Variants in COL4A2 observed in about 807,000 individuals in gnomAD.
The protein encoded by COL4A2 is collagen alpha-2(IV) chain.
Under a neutral mutation model 200.2 loss-of-function variants are expected in COL4A2, and 99 were observed. The ratio of observed to expected loss-of-function variants is 0.49; its 90% CI spans 0.42 to 0.58. COL4A2 has a LOEUF of 0.58. Ranked by LOEUF, COL4A2 falls within the 20% of genes least tolerant of loss-of-function variation. The probability of loss-of-function intolerance (pLI) is 0.00; values close to 1 mark genes in which losing one functional copy is unlikely to be tolerated. For synonymous variants in COL4A2, 897 were observed against 900.6 expected (o/e 1.00, Z 0.07); for missense variants, 1,950 against 2,314.1 (o/e 0.84, Z 3.23).
intron 37 of COL4A2, 77 bp from the exon 38 acceptor site, chr13:110,491,993 C>A: frequency 1.5e-6 from 2 of 1,297,394 alleles, no homozygotes; most frequent in Admixed American, 2.6e-5. Flanking sequence ...AGAGCGGCTG[C>A]CCCTCCTGCC....
At chr13:110,460,241 T>G (rs1264922962) in intron 22 of COL4A2, among the ~76,000 whole-genome samples, 2 of 152,126 alleles carry the variant, frequency 1.3e-5, no homozygotes, top group Non-Finnish European at 2.9e-5. Context: ...CGGCCATGAC[T>G]CCCAACTGCT....
chr13:110,326,535 G>T (rs1594147535), intron 3 of COL4A2, among the ~76,000 whole-genome samples: 1 of 152,252 alleles, frequency 6.6e-6, no homozygotes, highest in Admixed American at 6.5e-5. Flanking sequence ...CACATTGCAG[G>T]CCCCAGGAAT....
intron 16 of COL4A2, among the ~76,000 whole-genome samples, chr13:110,443,389 TAGCCATAC>T (rs1482006606): frequency 1.3e-5 from 2 of 152,208 alleles, no homozygotes; most frequent in East Asian, 3.8e-4. Flanking sequence ...TAAAAAAGCC[TAGCCATAC>T]ATTCTTTTCA....
intron 4 of COL4A2, among the ~76,000 whole-genome samples, chr13:110,375,061 G>A (rs1878179406): frequency 6.6e-6 from 1 of 152,170 alleles, no homozygotes. Context: ...GCACATAGAA[G>A]ACATTCCTCA....
Position 110,385,838 on chromosome 13 carries a change from A to AGC in COL4A2, c.180+28287_180+28288insCG, listed in dbSNP as rs1878704244. On this transcript the variant is annotated intron_variant, in intron 4 of 47. Transcript: ENST00000360467. ...CAGTGTGTGGATAGGCCGTGGTTAC[A>AGC]GTGTGTGGATAGGCCGTGGTTGCAG... Among the ~76,000 whole-genome samples, 15 of 140,960 alleles carry AGC rather than the reference A, an allele frequency of 1.1e-4. 3 individuals are homozygous for AGC. Among genetic ancestry groups the AGC allele is most frequent in the Non-Finnish European group, 1.7e-4 (11 of 62,912 alleles). 92.5% of individuals were successfully genotyped at this position (140,960 alleles called of 152,430 possible).
chr13:110,374,702 C>CCTCAT (rs1878161836), intron 4 of COL4A2, among the ~76,000 whole-genome samples: 1 of 152,168 alleles, frequency 6.6e-6, no homozygotes, highest in Admixed American at 6.5e-5. Flanking sequence ...CAAATGCTTT[C>CCTCAT]CTCATCTCCA....
intron 28 of COL4A2, among the ~76,000 whole-genome samples, chr13:110,471,078 A>G (rs149813203): frequency 1.2e-3 from 188 of 152,296 alleles, no homozygotes; most frequent in African/African-American, 4.4e-3. Context: ...GAAGTGTAAC[A>G]TTGCCACTCT....
At chr13:110,351,219 T>TTTTGTTTGTTTG (rs58217892) in intron 3 of COL4A2, among the ~76,000 whole-genome samples, 1 of 149,914 alleles carries the variant, frequency 6.7e-6, no homozygotes, top group Non-Finnish European at 1.5e-5. Flanking sequence ...CAGCTATTCT[T>TTTTGTTTGTTTG]TTTGTTTGTT....
chr13:110,448,342 G>C (rs1296867437), intron 18 of COL4A2, among the ~76,000 whole-genome samples: 1 of 152,170 alleles, frequency 6.6e-6, no homozygotes, highest in Non-Finnish European at 1.5e-5. Context: ...TATATTCCTG[G>C]AATTCACACT....
intron 47 of COL4A2, among the ~76,000 whole-genome samples, chr13:110,509,270 T>TATATAC (rs1435137108): frequency 6.1e-5 from 7 of 115,576 alleles, no homozygotes; most frequent in Non-Finnish European, 1.0e-4. Flanking sequence ...TATATATATA[T>TATATAC]ACACACACAC....
intron 18 of COL4A2, among the ~76,000 whole-genome samples, chr13:110,449,304 T>C (rs1881442125): frequency 1.4e-5 from 2 of 147,622 alleles, no homozygotes; most frequent in African/African-American, 4.9e-5. Context: ...AATTTTGTTA[T>C]GCATCCAGCA....
chr13:110,435,483 A>G (rs1014430163), intron 12 of COL4A2, among the ~76,000 whole-genome samples: 5 of 152,220 alleles, frequency 3.3e-5, no homozygotes, highest in Non-Finnish European at 7.3e-5. Context: ...CAGTTTGGGT[A>G]TTTTAAGATA....
chr13:110,406,117 C>T (rs1879559310), intron 4 of COL4A2, among the ~76,000 whole-genome samples: 1 of 152,296 alleles, frequency 6.6e-6, no homozygotes, highest in East Asian at 1.9e-4. Flanking sequence ...AAAACACTGC[C>T]AAACTGAGCA....
chr13:110,361,282 T>C (rs898581333), intron 4 of COL4A2, among the ~76,000 whole-genome samples: 1 of 152,258 alleles, frequency 6.6e-6, no homozygotes, highest in African/African-American at 2.4e-5. Flanking sequence ...CTGTCTGCCC[T>C]ACTTTTGGAC....
Position 110,368,810 on chromosome 13 carries a change from C to G in COL4A2, c.180+11258C>G, listed in dbSNP as rs142967916. Among the ~76,000 whole-genome samples, 21 of 135,576 alleles carry G rather than the reference C, an allele frequency of 1.5e-4. No homozygotes were observed. In the East Asian group the frequency reaches 3.0e-3, roughly 19 times the overall value. 88.9% of individuals were successfully genotyped at this position (135,576 alleles called of 152,430 possible). ...AGTGCCATAATTTGTTATATTTAAG[C>G]TATTTTTCTAATTCACAATCAACTA... On this transcript the variant is annotated intron_variant, in intron 4 of 47. Transcript: ENST00000360467.
rs757505507 is a variant in COL4A2 at position 110,480,405 on chromosome 13, G to T, written c.2758+15G>T. On this transcript the variant is annotated intron_variant, in intron 31 of 47. Coordinates refer to ENST00000360467, the MANE Select transcript of COL4A2 (RefSeq NM_001846.4). ...CGGGCTAAAAGGTAATTGTGTGACT[G>T]TGACCAGGGATCCCTTGGCGGGGAG... 1 of 1,603,118 alleles carries T rather than the reference G, an allele frequency of 6.2e-7. No homozygotes were observed. The highest frequency in any genetic ancestry group is 2.2e-5 in the East Asian group (1 of 44,694).
chr13:110,478,266 A>G, intron 30 of COL4A2, 102 bp downstream of exon 30: 2 of 1,223,286 alleles, frequency 1.6e-6, no homozygotes, highest in East Asian at 5.6e-5. Context: ...GTTCCATGGA[A>G]CCCCTTAAGA....
intron 34 of COL4A2, among the ~76,000 whole-genome samples, chr13:110,488,787 C>T (rs556165739): frequency 2.6e-5 from 4 of 152,306 alleles, no homozygotes; most frequent in East Asian, 1.9e-4. Flanking sequence ...ACCATGTGCA[C>T]GCGGGAAAGC....
chr13:110,387,591 G>A (rs1267693669), intron 4 of COL4A2, among the ~76,000 whole-genome samples: 1 of 152,232 alleles, frequency 6.6e-6, no homozygotes, highest in Non-Finnish European at 1.5e-5. Flanking sequence ...GAGCTGGGGA[G>A]GAACGCAGGC....
Sources: gnomAD v4.1 joint callset for allele counts (sites outside exome capture counted in the v4.1 genomes callset) on GRCh38, gnomAD v4.1.1 for gene constraint, MANE v1.5 for transcripts, NCBI Gene and HGNC (gene_info 2026-07-23, HGNC 2026-07-21) for gene names.